Variants in AFG2A observed in about 807,000 individuals in gnomAD.
AFG2A encodes the protein ATPase family gene 2 protein homolog A.
At chr4:123,198,557 C>A in the AFG2A span, among the ~76,000 whole-genome samples, 1 of 152,162 alleles carries the variant, frequency 6.6e-6, no homozygotes, top group Non-Finnish European at 1.5e-5. Context: ...TTCTCAGATA[C>A]ACATTCTTAA....
chr4:123,216,253 C>T, the AFG2A span, among the ~76,000 whole-genome samples: 2 of 151,932 alleles, frequency 1.3e-5, no homozygotes, highest in East Asian at 3.9e-4. Context: ...CTTTTTTAAA[C>T]GTATGTAGAT....
the AFG2A span, among the ~76,000 whole-genome samples, chr4:123,237,971 C>T: frequency 1.3e-5 from 2 of 152,196 alleles, no homozygotes; most frequent in East Asian, 3.9e-4. Context: ...ACACTCCTGC[C>T]CAAATACTGC....
chr4:123,192,824 G>A, the AFG2A span, among the ~76,000 whole-genome samples: 1 of 152,136 alleles, frequency 6.6e-6, no homozygotes, highest in Non-Finnish European at 1.5e-5. Context: ...TCCAAATCTA[G>A]CTTTTATTCT....
chr4:123,095,065 ATG>A, the AFG2A span, among the ~76,000 whole-genome samples: 16 of 120,606 alleles, frequency 1.3e-4, no homozygotes, highest in African/African-American at 4.6e-4. Context: ...ATATATATAT[ATG>A]TGTGTGTGTG....
At chr4:123,057,113 A>T in the AFG2A span, 1 of 1,262,112 alleles carries the variant, frequency 7.9e-7, no homozygotes, top group Non-Finnish European at 1.2e-6. Context: ...ACTTGTACCT[A>T]ATAGGTTTGG....
the AFG2A span, among the ~76,000 whole-genome samples, chr4:123,007,922 G>T: frequency 1.3e-5 from 2 of 151,870 alleles, no homozygotes; most frequent in Non-Finnish European, 2.9e-5. Flanking sequence ...CATTGTCTTT[G>T]ATTCAGATGT....
At chr4:123,255,290 G>A in the AFG2A span, among the ~76,000 whole-genome samples, 31 of 152,068 alleles carry the variant, frequency 2.0e-4, no homozygotes, top group Non-Finnish European at 3.5e-4. Flanking sequence ...GGAGACCAAG[G>A]CAGGCAGATC....
chr4:122,941,683 G>C, the AFG2A span, among the ~76,000 whole-genome samples: 2 of 151,880 alleles, frequency 1.3e-5, no homozygotes, highest in Admixed American at 1.3e-4. Flanking sequence ...GAATAGGAGT[G>C]TTGAGAGAGG....
the AFG2A span, among the ~76,000 whole-genome samples, chr4:123,258,935 T>C: frequency 4.0e-4 from 60 of 150,636 alleles, no homozygotes; most frequent in African/African-American, 1.4e-3. Context: ...GGCACGATCT[T>C]GGCTCACTGC....
At chr4:123,050,977 G>A in the AFG2A span, among the ~76,000 whole-genome samples, 5 of 152,094 alleles carry the variant, frequency 3.3e-5, no homozygotes, top group East Asian at 5.8e-4. Context: ...CTGACCTAGC[G>A]ATCCATCCCA....
At chr4:123,277,410 A>G in the AFG2A span, among the ~76,000 whole-genome samples, 10 of 152,292 alleles carry the variant, frequency 6.6e-5, no homozygotes, top group South Asian at 1.9e-3. Context: ...ATATAGAATC[A>G]TGTTGTCTGC....
At chr4:123,305,312 G>C in the AFG2A span, among the ~76,000 whole-genome samples, 1 of 152,196 alleles carries the variant, frequency 6.6e-6, no homozygotes, top group Non-Finnish European at 1.5e-5. Flanking sequence ...ATCCCTATTG[G>C]AAGGGAGCGG....
chr4:123,295,777 T>C, the AFG2A span, among the ~76,000 whole-genome samples: 7 of 152,288 alleles, frequency 4.6e-5, no homozygotes, highest in Admixed American at 1.3e-4. Context: ...CCAGGCATGG[T>C]GATGCGTGCC....
the AFG2A span, among the ~76,000 whole-genome samples, chr4:123,128,258 C>T: frequency 6.6e-6 from 1 of 152,014 alleles, no homozygotes; most frequent in Non-Finnish European, 1.5e-5. Flanking sequence ...CGTTTAAGTT[C>T]AGAAATGCAT....
chr4:123,075,012 C>T, the AFG2A span, among the ~76,000 whole-genome samples: 2 of 152,246 alleles, frequency 1.3e-5, no homozygotes, highest in Non-Finnish European at 2.9e-5. Context: ...GGCGACATCT[C>T]AGTTCACTGC....
the AFG2A span, among the ~76,000 whole-genome samples, chr4:123,022,876 T>A: frequency 6.6e-6 from 1 of 152,052 alleles, no homozygotes; most frequent in Non-Finnish European, 1.5e-5. Context: ...TGAGTTCATG[T>A]CCTTTGTAGG....
chr4:123,252,204 TC>T, the AFG2A span, among the ~76,000 whole-genome samples: 1 of 152,182 alleles, frequency 6.6e-6, no homozygotes, highest in Non-Finnish European at 1.5e-5. Flanking sequence ...AACCCTTTTT[TC>T]CATTACATTT....
chr4:123,186,923 T>C, the AFG2A span, among the ~76,000 whole-genome samples: 1 of 152,144 alleles, frequency 6.6e-6, no homozygotes, highest in African/African-American at 2.4e-5. Flanking sequence ...TGCCACTACA[T>C]GGTGGAGCTT....
the AFG2A span, chr4:122,934,355 C>A: frequency 2.5e-6 from 4 of 1,614,128 alleles, no homozygotes; most frequent in African/African-American, 1.3e-5. Flanking sequence ...CCTTATAAAC[C>A]AATTGATGAC....
Sources: gnomAD v4.1 joint callset for allele counts (sites outside exome capture counted in the v4.1 genomes callset) on GRCh38, gnomAD v4.1.1 for gene constraint, MANE v1.5 for transcripts, NCBI Gene and HGNC (gene_info 2026-07-23, HGNC 2026-07-21) for gene names.